WDFY4: variants seen among roughly 807,000 people sequenced by gnomAD.
WDFY4 encodes WD repeat- and FYVE domain-containing protein 4.
WDFY4 carries 169 observed loss-of-function variants against 351.9 expected under a neutral mutation model. That is an observed-to-expected ratio of 0.48 (90% CI 0.42 to 0.55). The LOEUF (loss-of-function observed/expected upper bound fraction) is 0.55, where lower values mean the gene tolerates loss of function less well. WDFY4 is among the 20% of genes least tolerant of loss of function. The pLI is 0.00. For missense variants in WDFY4, 3,803 were observed against 3,935.6 expected (o/e 0.97, Z 0.90); for synonymous variants, 1,622 against 1,574.6 (o/e 1.03, Z -0.71).
chr10:48,787,874 CTTTCTTTCTTCTTCTTCTCCTTCTT>C (rs2066480176), intron 20 of WDFY4, among the ~76,000 whole-genome samples: 4 of 86,332 alleles, frequency 4.6e-5, no homozygotes, highest in African/African-American at 1.9e-4. Context: ...CTTCTTTCTT[CTTTCTTTCTTCTTCTTCTCCTTCTT>C]CTTCTTCTTC....
chr10:48,934,118 C>A (rs576773106), intron 47 of WDFY4, among the ~76,000 whole-genome samples: 2 of 152,164 alleles, frequency 1.3e-5, no homozygotes, highest in East Asian at 1.9e-4. Flanking sequence ...TCCTCCTAGA[C>A]GTGTGACTTT....
At chr10:48,791,066 C>A (rs2066661453) in intron 23 of WDFY4, 149 bp downstream of exon 23, 1 of 987,584 alleles carries the variant, frequency 1.0e-6, no homozygotes, top group Non-Finnish European at 1.5e-6. Flanking sequence ...CTGAGACCAG[C>A]AACTTCGCAG....
chr10:48,726,760 C>T (rs1339913964), intron 6 of WDFY4, among the ~76,000 whole-genome samples: 1 of 152,238 alleles, frequency 6.6e-6, no homozygotes, highest in Non-Finnish European at 1.5e-5. Flanking sequence ...GCTGAGCTTG[C>T]ATTATCTCAA....
intron 56 of WDFY4, 62 bp from the exon 57 acceptor site, chr10:48,970,069 C>A: frequency 6.6e-7 from 1 of 1,521,706 alleles, no homozygotes; most frequent in Non-Finnish European, 8.8e-7. Context: ...CCCCGTGACT[C>A]TATCCTGGGC....
intron 33 of WDFY4, 136 bp downstream of exon 33, chr10:48,820,573 GC>G (rs2067788263): frequency 1.0e-6 from 1 of 999,422 alleles, no homozygotes. Flanking sequence ...TGAACCATGG[GC>G]CCCAAAAAAG....
chr10:48,729,718 T>C, intron 8 of WDFY4, 129 bp downstream of exon 8: 2 of 1,238,820 alleles, frequency 1.6e-6, no homozygotes, highest in Admixed American at 2.8e-5. Flanking sequence ...GTCACAACCT[T>C]TGGGGAGGTT....
intron 12 of WDFY4, among the ~76,000 whole-genome samples, chr10:48,749,505 C>T (rs540833970): frequency 2.6e-5 from 4 of 152,108 alleles, no homozygotes; most frequent in East Asian, 3.9e-4. Flanking sequence ...AGACACCACA[C>T]GACACACACA....
Position 48,687,599 on chromosome 10 carries a change from TA to T in WDFY4, c.-18+2600del, listed in dbSNP as rs1427015787. Among the ~76,000 whole-genome samples, 5 of 148,494 alleles carry T rather than the reference TA, an allele frequency of 3.4e-5. No homozygotes were observed. The East Asian group carries it at 9.7e-4, about 29-fold the overall frequency. ...ACCAAGAGTCTTGGCACCATTTATT[TA>T]ATAGGCCATTCTTTTTTTTTTTTTT... is the stretch of plus-strand genomic sequence containing the variant. On this transcript the variant is annotated intron_variant, in intron 1 of 61. Coordinates refer to ENST00000325239, the MANE Select transcript of WDFY4 (RefSeq NM_001394531.1).
intron 51 of WDFY4, 75 bp downstream of exon 51, chr10:48,947,044 A>G: frequency 8.1e-7 from 1 of 1,236,484 alleles, no homozygotes; most frequent in Non-Finnish European, 1.1e-6. Flanking sequence ...CAAGACTAAG[A>G]CCTGTGCTTG....
intron 47 of WDFY4, among the ~76,000 whole-genome samples, chr10:48,904,231 C>A (rs1412253095): frequency 1.3e-5 from 2 of 152,254 alleles, no homozygotes; most frequent in East Asian, 3.9e-4. Context: ...GGGACCCGGG[C>A]AGCAGTGGGT....
Position 48,978,338 on chromosome 10 carries a change from T to G in WDFY4, c.9321T>G (p.Ser3107=). The change falls in exon 60 of 62, where the codon TCT becomes TCG. Residue 3107 remains serine, a synonymous_variant. Coordinates refer to ENST00000325239, the MANE Select transcript of WDFY4 (RefSeq NM_001394531.1). ...RVWKTEDVKM[S]VPGRPAGEEP... ...GGAAGACTGAGGATGTGAAGATGTCTGTTCCTGGACGGCCAGCAGGAGAGG... is the reference window on the plus strand; with the variant it reads ...GGAAGACTGAGGATGTGAAGATGTCGGTTCCTGGACGGCCAGCAGGAGAGG... The G allele has an allele frequency of 6.4e-7, 1 of 1,551,466 alleles. No individual in the cohort carries two copies. The highest frequency in any genetic ancestry group is 8.7e-7 in the Non-Finnish European group (1 of 1,146,880).
chr10:48,908,046 G>C (rs1289799893), intron 47 of WDFY4, among the ~76,000 whole-genome samples: 2 of 152,228 alleles, frequency 1.3e-5, no homozygotes, highest in Non-Finnish European at 2.9e-5. Flanking sequence ...GTCATGCTCA[G>C]ACCTTGGCCG....
intron 39 of WDFY4, among the ~76,000 whole-genome samples, chr10:48,857,158 C>T (rs749205424): frequency 6.6e-6 from 1 of 152,070 alleles, no homozygotes; most frequent in Non-Finnish European, 1.5e-5. Context: ...ACAGAACTAA[C>T]AGTTATGCAC....
intron 53 of WDFY4, among the ~76,000 whole-genome samples, chr10:48,962,657 T>G (rs1158309359): frequency 6.6e-6 from 1 of 152,218 alleles, no homozygotes; most frequent in Non-Finnish European, 1.5e-5. Flanking sequence ...CTAAATTCTT[T>G]GGATGACACC....
intron 34 of WDFY4, among the ~76,000 whole-genome samples, 188 bp downstream of exon 34, chr10:48,821,364 C>T (rs538766499): frequency 1.3e-5 from 2 of 152,344 alleles, no homozygotes; most frequent in South Asian, 4.1e-4. Flanking sequence ...GGGGTGCTTG[C>T]TACTTTCCAT....
intron 49 of WDFY4, among the ~76,000 whole-genome samples, chr10:48,943,856 A>G (rs577809583): frequency 3.0e-4 from 46 of 152,204 alleles, no homozygotes; most frequent in African/African-American, 9.9e-4. Context: ...CGGCCTCCCA[A>G]AGTGCTGGGA....
intron 32 of WDFY4, 136 bp from the exon 33 acceptor site, chr10:48,820,098 C>A: frequency 1.0e-6 from 1 of 961,460 alleles, no homozygotes; most frequent in Non-Finnish European, 1.6e-6. Context: ...GGGCAAGTTG[C>A]TTTCCTGTGC....
chr10:48,856,237 G>A (rs138877271), intron 39 of WDFY4, among the ~76,000 whole-genome samples: 27 of 152,200 alleles, frequency 1.8e-4, no homozygotes, highest in African/African-American at 6.3e-4. Context: ...AGAAAAGGAA[G>A]TAGTATTTTA....
chr10:48,723,697 G>C, intron 5 of WDFY4, 130 bp downstream of exon 5: 1 of 1,280,874 alleles, frequency 7.8e-7, no homozygotes, highest in African/African-American at 1.5e-5. Context: ...CTCCCAGAGG[G>C]TCTAACCTCC....
Sources: allele counts gnomAD v4.1 joint callset (sites outside exome capture counted in the v4.1 genomes callset), GRCh38; gene constraint gnomAD v4.1.1; transcripts MANE v1.5; gene names NCBI Gene and HGNC (gene_info 2026-07-23, HGNC 2026-07-21).